CNTN4: variants seen among roughly 807,000 people sequenced by gnomAD.
The protein encoded by CNTN4 is contactin 4.
CNTN4 carries 77 observed loss-of-function variants against 122.5 expected under a neutral mutation model. That is an observed-to-expected ratio of 0.63 (90% CI 0.52 to 0.76). The LOEUF (loss-of-function observed/expected upper bound fraction) is 0.76, where lower values mean the gene tolerates loss of function less well. Among genes scored for constraint, CNTN4 ranks in the 30% least tolerant of loss-of-function variants. The pLI is 0.00. For missense variants in CNTN4, 1,256 were observed against 1,259.1 expected, an observed-to-expected ratio of 1.00 and a Z score of 0.04; for synonymous variants, 512 against 447.0, an observed-to-expected ratio of 1.15 and a Z score of -1.83.
At chr3:2,629,102 C>A (rs1178503429) in intron 4 of CNTN4, among the ~76,000 whole-genome samples, 1 of 152,108 alleles carries the variant, frequency 6.6e-6, no homozygotes, top group Non-Finnish European at 1.5e-5. Flanking sequence ...CAAATTGAAG[C>A]CTTAACCCCC....
chr3:2,252,896 T>G (rs938921526), intron 2 of CNTN4, among the ~76,000 whole-genome samples: 1 of 152,130 alleles, frequency 6.6e-6, no homozygotes, highest in Non-Finnish European at 1.5e-5. Context: ...GTTTTCTTAT[T>G]TAGTTATTAA....
At chr3:2,359,472 T>C (rs1192136645) in intron 3 of CNTN4, among the ~76,000 whole-genome samples, 2 of 152,188 alleles carry the variant, frequency 1.3e-5, no homozygotes, top group Non-Finnish European at 2.9e-5. Context: ...AAACAAATCA[T>C]TTTCTACCTT....
intron 3 of CNTN4, among the ~76,000 whole-genome samples, chr3:2,355,570 G>A (rs1017377604): frequency 6.6e-6 from 1 of 152,152 alleles, no homozygotes. Flanking sequence ...GTGGCACTTA[G>A]CATTCTCTCT....
intron 4 of CNTN4, among the ~76,000 whole-genome samples, chr3:2,612,387 A>C (rs2149836341): frequency 6.6e-6 from 1 of 152,276 alleles, no homozygotes; most frequent in African/African-American, 2.4e-5. Context: ...AATACTGTAC[A>C]GAAACTTAAA....
rs758868857 is a variant in CNTN4, at chr3:2,955,722, G to A, written c.1358+29943G>A. 2.0e-5 allele frequency among the ~76,000 whole-genome samples: 3 copies of A among 152,222 alleles called. No individual in the cohort carries two copies. The South Asian group carries it at 6.2e-4, about 31-fold the overall frequency. ...ATCTCATGGCAGAGGCTGAAAGAGGGATAGGTTTTTAAGTGGCTATTATTG... is the reference window on the plus strand; with the variant it reads ...ATCTCATGGCAGAGGCTGAAAGAGGAATAGGTTTTTAAGTGGCTATTATTG... On this transcript the variant is annotated intron_variant, in intron 13 of 24. Coordinates refer to ENST00000418658, the MANE Select transcript of CNTN4 (RefSeq NM_175607.3).
chr3:2,515,537 G>A (rs547169950), intron 3 of CNTN4, among the ~76,000 whole-genome samples: 67 of 151,986 alleles, frequency 4.4e-4, no homozygotes, highest in African/African-American at 8.7e-4. Context: ...ATAGATACCC[G>A]TCCACATAAT....
intron 3 of CNTN4, among the ~76,000 whole-genome samples, chr3:2,493,855 G>A (rs1314251190): frequency 1.3e-5 from 2 of 152,038 alleles, no homozygotes; most frequent in Non-Finnish European, 2.9e-5. Context: ...CCTTCTTTTT[G>A]CTGCCTGGAA....
At chr3:2,584,957 G>A (rs2080121115) in intron 4 of CNTN4, among the ~76,000 whole-genome samples, 1 of 151,678 alleles carries the variant, frequency 6.6e-6, no homozygotes, top group Non-Finnish European at 1.5e-5. Flanking sequence ...AGAAAAAAAT[G>A]TATATAAGCA....
At chr3:2,598,164 C>G (rs1460398426) in intron 4 of CNTN4, among the ~76,000 whole-genome samples, 5 of 152,156 alleles carry the variant, frequency 3.3e-5, no homozygotes, top group African/African-American at 1.2e-4. Flanking sequence ...TTAGTGACCT[C>G]CAGTATCAAA....
At chr3:2,895,951 T>G (rs4685576) in intron 10 of CNTN4, among the ~76,000 whole-genome samples, 14,006 of 152,094 alleles carry the variant, frequency 0.092, 845 homozygotes, top group African/African-American at 0.17. Context: ...GAGAATGGCG[T>G]GAACCCAGAA....
At chr3:2,443,975 T>C (rs895434113) in intron 3 of CNTN4, among the ~76,000 whole-genome samples, 1 of 152,124 alleles carries the variant, frequency 6.6e-6, no homozygotes, top group Non-Finnish European at 1.5e-5. Flanking sequence ...TTGAGTATCA[T>C]TTTGTCAGGA....
chr3:2,945,506 C>T (rs1026892586), intron 13 of CNTN4, among the ~76,000 whole-genome samples: 3 of 152,140 alleles, frequency 2.0e-5, no homozygotes, highest in Non-Finnish European at 4.4e-5. Context: ...TCCACAGACA[C>T]TCTCTCTTAA....
chr3:2,165,444 C>T (rs1428354170), intron 2 of CNTN4, among the ~76,000 whole-genome samples: 1 of 152,080 alleles, frequency 6.6e-6, no homozygotes, highest in Non-Finnish European at 1.5e-5. Flanking sequence ...ATTATTTTGA[C>T]ATGTGTGTAC....
chr3:2,806,626 G>A (rs1395358016), intron 6 of CNTN4, among the ~76,000 whole-genome samples: 1 of 152,154 alleles, frequency 6.6e-6, no homozygotes, highest in Non-Finnish European at 1.5e-5. Flanking sequence ...TAGAAGTTTT[G>A]TTTTGCTGGG....
At chr3:2,260,211 G>A (rs1054492790) in intron 2 of CNTN4, among the ~76,000 whole-genome samples, 2 of 152,028 alleles carry the variant, frequency 1.3e-5, no homozygotes, top group African/African-American at 2.4e-5. Context: ...CCAGCCCATT[G>A]ATATTTTGGG....
At chr3:2,176,265 C>G (rs1455464164) in intron 2 of CNTN4, among the ~76,000 whole-genome samples, 1 of 152,120 alleles carries the variant, frequency 6.6e-6, no homozygotes, top group African/African-American at 2.4e-5. Flanking sequence ...GATATACTTT[C>G]TACCACTGTC....
At chr3:2,141,351 T>C (rs1574926299) in intron 2 of CNTN4, among the ~76,000 whole-genome samples, 1 of 152,112 alleles carries the variant, frequency 6.6e-6, no homozygotes, top group East Asian at 1.9e-4. Flanking sequence ...GGAGTTGTGA[T>C]TATGTGATTG....
intron 23 of CNTN4, among the ~76,000 whole-genome samples, chr3:3,048,516 C>CTCTG (rs1491305912): frequency 1.8e-5 from 2 of 112,804 alleles, no homozygotes; most frequent in East Asian, 3.0e-4. Flanking sequence ...CTCTCTCTCT[C>CTCTG]TGTGTGTGTG....
intron 6 of CNTN4, among the ~76,000 whole-genome samples, chr3:2,758,188 C>T (rs897698186): frequency 2.0e-5 from 3 of 152,160 alleles, no homozygotes; most frequent in Non-Finnish European, 4.4e-5. Flanking sequence ...TATTTCTAAG[C>T]GCAATGACTA....
Sources: allele counts gnomAD v4.1 joint callset (sites outside exome capture counted in the v4.1 genomes callset), GRCh38; gene constraint gnomAD v4.1.1; transcripts MANE v1.5; gene names NCBI Gene and HGNC (gene_info 2026-07-23, HGNC 2026-07-21).